DBT: variants seen among roughly 807,000 people sequenced by gnomAD.
The protein encoded by DBT is dihydrolipoamide branched chain transacylase E2.
Under a neutral mutation model 51.3 loss-of-function variants are expected in DBT, and 40 were observed. That is an observed-to-expected ratio of 0.78 (90% CI 0.61 to 1.02). The LOEUF (loss-of-function observed/expected upper bound fraction) is 1.02. DBT is among the 50% of genes least tolerant of loss of function. The pLI, the probability that DBT is intolerant of heterozygous loss-of-function variation, is 0.00. For synonymous variants in DBT, 181 were observed against 190.4 expected (o/e 0.95, Z 0.41); for missense variants, 510 against 580.2 (o/e 0.88, Z 1.24).
Position 100,240,671 on chromosome 1 carries a change from G to A in DBT, c.175+90C>T, listed in dbSNP as rs566942251. 76 of 1,098,512 alleles carry A rather than the reference G, an allele frequency of 6.9e-5. 1 individual carries two copies. The South Asian group carries it at 9.3e-4, about 13-fold the overall frequency. The allele number at this position is 1,098,512 out of a possible 1,614,324, so 68.0% of individuals were successfully genotyped here. On this transcript the variant is annotated intron_variant, in intron 2 of 10. Transcript: ENST00000370132. Reference sequence around the variant, plus strand: ...AGAAATACAGAGTCAACTTTTTTTTGTTTAAAAAGTCTCAATCAACTACTA... The same window carrying A: ...AGAAATACAGAGTCAACTTTTTTTTATTTAAAAAGTCTCAATCAACTACTA...
At chr1:100,235,846 T>C (rs539326894) in intron 2 of DBT, among the ~76,000 whole-genome samples, 26 of 152,312 alleles carry the variant, frequency 1.7e-4, no homozygotes, top group South Asian at 1.7e-3. Context: ...AGAACAAAGA[T>C]ATACAAAGAG....
intron 1 of DBT, among the ~76,000 whole-genome samples, chr1:100,241,366 TTGTGTGTGTGTGTGTG>T (rs58256713): frequency 4.1e-4 from 59 of 144,108 alleles, no homozygotes; most frequent in African/African-American, 1.4e-3. Context: ...CTGAAAGGTA[TTGTGTGTGTGTGTGTG>T]TGTGTGTGTG....
chr1:100,197,324 T>C (rs1041860350), intron 10 of DBT, among the ~76,000 whole-genome samples: 2 of 152,168 alleles, frequency 1.3e-5, no homozygotes, highest in South Asian at 2.1e-4. Flanking sequence ...TTTGATTCTA[T>C]GTGAGATGAG....
rs183916877 is a variant in DBT, at chr1:100,217,431, C to T, written c.555+1195G>A. 4.0e-3 allele frequency among the ~76,000 whole-genome samples: 614 copies of T among 152,174 alleles called. 1 individual carries two copies. The highest frequency in any genetic ancestry group is 7.5e-3 in the Non-Finnish European group (508 of 67,994). ...ATTTAAGGGTTACATAACATTTTATCAAGGATACATAACATAATTTGAATG... is the reference window on the plus strand; with the variant it reads ...ATTTAAGGGTTACATAACATTTTATTAAGGATACATAACATAATTTGAATG... On this transcript the variant is annotated intron_variant, in intron 5 of 10. Transcript: ENST00000370132.
In DBT at chr1:100,214,950, G is replaced by A. The variant is rs756058511; in HGVS notation, c.806C>T (p.Ala269Val). ...ACCAAAATGAGGTATCTTCAGGGCT[G>A]CAGACATAGTCTTGACCATTGCTTT... Reference protein sequence around the residue: ...FQKAMVKTMSAALKIPHFGYC... With the variant: ...FQKAMVKTMSVALKIPHFGYC... The change falls in exon 7 of 11, where the codon GCA (alanine) becomes GTA (valine). Residue 269 changes from alanine to valine, a missense_variant. Transcript: ENST00000370132. 1 of 1,611,660 alleles carries A rather than the reference G, an allele frequency of 6.2e-7. No homozygotes were observed. The highest frequency in any genetic ancestry group is 1.7e-4 in the Middle Eastern group (1 of 6,056).
chr1:100,193,996 ATAG>A lies in DBT; in HGVS notation c.*2256_*2258del, dbSNP rs1660936604. On this transcript the variant is annotated 3_prime_UTR_variant, in exon 11 of 11. Transcript: ENST00000370132. ...TAAATTTTAAAAATCAAATAATAAA[ATAG>A]TAGATATGCTATGATCATGTTTTAA... The A allele has an allele frequency of 1.3e-5, 2 of 152,228 alleles. No homozygotes were observed. The highest frequency in any genetic ancestry group is 1.3e-4 in the Admixed American group (2 of 15,286). The allele number at this position is 152,228 out of a possible 1,614,324, so 9.4% of individuals were successfully genotyped here.
At chr1:100,224,323 G>A (rs1557953097) in intron 4 of DBT, among the ~76,000 whole-genome samples, 1 of 152,024 alleles carries the variant, frequency 6.6e-6, no homozygotes, top group Admixed American at 6.6e-5. Flanking sequence ...TCTTGCTTAA[G>A]AAAAGATACA....
Position 100,216,008 on chromosome 1 carries a change from G to C in DBT, c.747C>G (p.Gly249=), listed in dbSNP as rs200612682. Residue 249 remains glycine (G), a synonymous_variant, in exon 6 of 11, where the codon GGC becomes GGG. Transcript: ENST00000370132. ...CTTTTATGGGTTCTGTTTTGTCTTT[G>C]CCTGTGAATACCGGAGGTTTTGATA... ...ILVSKPPVFT[G]KDKTEPIKGF... 8.7e-6 allele frequency: 14 copies of C among 1,603,334 alleles called. No homozygotes were observed. Among genetic ancestry groups the C allele is most frequent in the Non-Finnish European group, 1.2e-5 (14 of 1,170,552 alleles).
At chr1:100,209,095 TTTC>T (rs1661977290) in intron 8 of DBT, among the ~76,000 whole-genome samples, 1 of 68,978 alleles carries the variant, frequency 1.4e-5, no homozygotes, top group African/African-American at 4.3e-5. Flanking sequence ...TTTCTTTTCT[TTTC>T]TTTTTTTTTT....
chr1:100,249,122 T>A (rs1216710489), intron 1 of DBT: 4 of 986,920 alleles, frequency 4.1e-6, no homozygotes, highest in Non-Finnish European at 4.8e-6. Flanking sequence ...GAAGAAACAC[T>A]AAGCAAATAG....
At chr1:100,203,522 C>G (rs1043784707) in intron 10 of DBT, among the ~76,000 whole-genome samples, 1 of 152,154 alleles carries the variant, frequency 6.6e-6, no homozygotes, top group Non-Finnish European at 1.5e-5. Flanking sequence ...ACCAGAGGTA[C>G]AAAGAGGAGC....
intron 10 of DBT, among the ~76,000 whole-genome samples, chr1:100,199,837 C>T (rs1033373436): frequency 2.0e-5 from 3 of 152,126 alleles, no homozygotes; most frequent in South Asian, 2.1e-4. Flanking sequence ...CATGAGGGAC[C>T]GTGCTGTGAG....
chr1:100,240,637 G>A, intron 2 of DBT, 124 bp downstream of exon 2: 2 of 785,980 alleles, frequency 2.5e-6, no homozygotes, highest in Non-Finnish European at 4.4e-6. Flanking sequence ...AGATGGGAAG[G>A]GCCCGGCTAG....
chr1:100,217,990 C>T (rs577069225), intron 5 of DBT, among the ~76,000 whole-genome samples: 2 of 152,288 alleles, frequency 1.3e-5, no homozygotes, highest in African/African-American at 2.4e-5. Flanking sequence ...CCTTATCTTA[C>T]AGGGTTAAAT....
In DBT at chr1:100,249,793, A is replaced by C. The variant is rs781256202; in HGVS notation, c.28T>G (p.Trp10Gly). The change falls in exon 1 of 11, where the codon TGG becomes GGG. Residue 10 changes from tryptophan (W) to glycine (G), a missense_variant. Transcript: ENST00000370132. The part of the protein sequence containing the change: MAAVRMLRT[W>G]SRNAGKLICV... ...ACCAGCTTCCCCGCATTCCTGCTCC[A>C]GGTTCTCAGCATACGGACTGCAGCC... 6.2e-7 allele frequency: 1 copy of C among 1,614,196 alleles called. No homozygotes were observed.
intron 2 of DBT, 84 bp downstream of exon 2, chr1:100,240,677 A>G: frequency 8.6e-7 from 1 of 1,164,158 alleles, no homozygotes; most frequent in Non-Finnish European, 1.3e-6. Context: ...TTTTGTTTAA[A>G]AAGTCTCAAT....
intron 1 of DBT, among the ~76,000 whole-genome samples, chr1:100,245,865 C>T (rs758014373): frequency 6.6e-6 from 1 of 151,614 alleles, no homozygotes; most frequent in African/African-American, 2.4e-5. Flanking sequence ...GGAAGGAGGA[C>T]CACTTGAGCC....
intron 5 of DBT, among the ~76,000 whole-genome samples, chr1:100,216,585 T>G (rs1213926066): frequency 6.6e-6 from 1 of 152,162 alleles, no homozygotes; most frequent in Non-Finnish European, 1.5e-5. Flanking sequence ...AGCTGAAAAC[T>G]TACATTTTTA....
chr1:100,216,739 C>T (rs1219034682), intron 5 of DBT, among the ~76,000 whole-genome samples: 1 of 152,138 alleles, frequency 6.6e-6, no homozygotes, highest in Non-Finnish European at 1.5e-5. Context: ...ACACTGGCTA[C>T]CAGTTAAAAA....
Sources: allele counts gnomAD v4.1 joint callset (sites outside exome capture counted in the v4.1 genomes callset), GRCh38; gene constraint gnomAD v4.1.1; transcripts MANE v1.5; gene names NCBI Gene and HGNC (gene_info 2026-07-23, HGNC 2026-07-21).